DNM3: variants seen among roughly 807,000 people sequenced by gnomAD.
The protein encoded by DNM3 is dynamin-3.
A neutral mutation model predicts 101.6 loss-of-function variants in DNM3; 47 were observed. The ratio of observed to expected loss-of-function variants is 0.46; its 90% CI spans 0.37 to 0.59. The LOEUF (loss-of-function observed/expected upper bound fraction) is 0.59, where lower values mean the gene tolerates loss of function less well. DNM3 is among the 20% of genes least tolerant of loss of function. The pLI, the probability that DNM3 is intolerant of heterozygous loss-of-function variation, is 0.00. For missense variants in DNM3, 849 were observed against 1,085.7 expected, an observed-to-expected ratio of 0.78 and a Z score of 3.06; for synonymous variants, 385 against 387.9, an observed-to-expected ratio of 0.99 and a Z score of 0.09.
intron 16 of DNM3, among the ~76,000 whole-genome samples, chr1:172,311,709 T>C (rs562914841): frequency 1.2e-4 from 19 of 152,360 alleles, no homozygotes; most frequent in African/African-American, 3.6e-4. Flanking sequence ...TCCATAGCTC[T>C]ACATCAAAAA....
intron 4 of DNM3, among the ~76,000 whole-genome samples, chr1:171,990,114 T>C (rs1350194223): frequency 6.6e-6 from 1 of 152,200 alleles, no homozygotes; most frequent in Non-Finnish European, 1.5e-5. Context: ...ATGTTCTTGT[T>C]TTCATAAATA....
At chr1:171,932,185 A>C (rs2041076959) in intron 2 of DNM3, among the ~76,000 whole-genome samples, 1 of 149,192 alleles carries the variant, frequency 6.7e-6, no homozygotes, top group African/African-American at 2.5e-5. Flanking sequence ...TCTGTTACCC[A>C]GGCTGGAGTG....
intron 15 of DNM3, among the ~76,000 whole-genome samples, chr1:172,286,226 G>T (rs1249258667): frequency 6.6e-6 from 1 of 152,102 alleles, no homozygotes; most frequent in Non-Finnish European, 1.5e-5. Flanking sequence ...CATGGCATGG[G>T]TGGACCAATG....
At chr1:172,217,662 AC>A (rs753581004) in intron 14 of DNM3, among the ~76,000 whole-genome samples, 29 of 152,054 alleles carry the variant, frequency 1.9e-4, no homozygotes, top group Non-Finnish European at 3.8e-4. Flanking sequence ...CTTACAATCT[AC>A]TATATACCAG....
intron 20 of DNM3, among the ~76,000 whole-genome samples, chr1:172,404,941 T>C (rs921359744): frequency 3.9e-5 from 6 of 152,124 alleles, no homozygotes; most frequent in African/African-American, 1.2e-4. Flanking sequence ...CTATGCAATA[T>C]ATAACTGGAA....
At chr1:171,982,777 A>G (rs1208591315) in intron 2 of DNM3, among the ~76,000 whole-genome samples, 1 of 152,156 alleles carries the variant, frequency 6.6e-6, no homozygotes, top group Non-Finnish European at 1.5e-5. Context: ...TAAATGGTTA[A>G]CAAGTAAACC....
chr1:171,901,121 AAAAAAAAAAAG>A lies in DNM3; in HGVS notation c.162-20623_162-20613del, dbSNP rs1466102620. On this transcript the variant is annotated intron_variant, in intron 1 of 20. Transcript: ENST00000627582. ...GAGCGAGACTCTGTCTCAAAAAAAA[AAAAAAAAAAAG>A]AAAGAAATCTATGAAGTTCAGCACC... is the stretch of plus-strand genomic sequence containing the variant. Among the ~76,000 whole-genome samples the A allele has an allele frequency of 1.3e-4, 19 of 149,086 alleles. 2 individuals carry two copies. The highest frequency in any genetic ancestry group is 2.1e-4 in the South Asian group (1 of 4,688).
At chr1:172,121,909 C>T (rs1007325734) in intron 13 of DNM3, among the ~76,000 whole-genome samples, 1 of 152,118 alleles carries the variant, frequency 6.6e-6, no homozygotes, top group African/African-American at 2.4e-5. Flanking sequence ...CAGTCAGTTC[C>T]TTATTTAAAA....
Position 172,283,780 on chromosome 1 carries a change from A to AAAAAAAAAAAAAAAAAAG in DNM3, c.1770-24945_1770-24944insAAAAAAAAAAAAAAGAAA, listed in dbSNP as rs1553221113. Among the ~76,000 whole-genome samples the AAAAAAAAAAAAAAAAAAG allele has an allele frequency of 2.0e-4, 24 of 119,082 alleles. 1 individual carries two copies. Among genetic ancestry groups the AAAAAAAAAAAAAAAAAAG allele is most frequent in the African/African-American group, 8.1e-4 (24 of 29,628 alleles). The allele number at this position is 119,082 out of a possible 152,430, so 78.1% of individuals were successfully genotyped here. On this transcript the variant is annotated intron_variant, in intron 15 of 20. Coordinates refer to ENST00000627582, the MANE Select transcript of DNM3 (RefSeq NM_015569.5). ...ATCTCAAAAAAAAAAAAAAAAAAAA[A>AAAAAAAAAAAAAAAAAAG]AAAGAAAGAAAGAAAGAAAACCAAG... is the stretch of plus-strand genomic sequence containing the variant.
At chr1:171,993,498 C>T (rs79717026) in intron 4 of DNM3, among the ~76,000 whole-genome samples, 174 of 128,574 alleles carry the variant, frequency 1.4e-3, no homozygotes, top group Middle Eastern at 4.3e-3. Flanking sequence ...TTTCAAGATT[C>T]TTTTTTTTTT....
At chr1:172,007,447 G>T (rs570139510) in intron 4 of DNM3, among the ~76,000 whole-genome samples, 1 of 152,104 alleles carries the variant, frequency 6.6e-6, no homozygotes, top group East Asian at 1.9e-4. Context: ...TTTGTGAAAT[G>T]TCTGTTCAAA....
chr1:171,959,596 G>T (rs2043080189), intron 2 of DNM3, among the ~76,000 whole-genome samples: 1 of 152,038 alleles, frequency 6.6e-6, no homozygotes, highest in South Asian at 2.1e-4. Flanking sequence ...TGCCCCGGAA[G>T]AATTAAAAAC....
intron 15 of DNM3, among the ~76,000 whole-genome samples, chr1:172,271,081 CT>C (rs1340369795): frequency 6.6e-6 from 1 of 152,064 alleles, no homozygotes; most frequent in Admixed American, 6.6e-5. Context: ...AGGAGGACTC[CT>C]TTTCACTCTT....
intron 10 of DNM3, among the ~76,000 whole-genome samples, chr1:172,058,597 T>TG (rs2125901418): frequency 6.6e-6 from 1 of 152,288 alleles, no homozygotes; most frequent in Admixed American, 6.5e-5. Context: ...GAATGACTAC[T>TG]GGGTACATAA....
chr1:172,111,235 C>CA (rs1426392889), intron 13 of DNM3, among the ~76,000 whole-genome samples: 1 of 152,144 alleles, frequency 6.6e-6, no homozygotes, highest in African/African-American at 2.4e-5. Flanking sequence ...CTTGACCTCC[C>CA]AGACATTGTG....
intron 1 of DNM3, among the ~76,000 whole-genome samples, chr1:171,872,241 T>C (rs1223525567): frequency 2.0e-5 from 3 of 152,214 alleles, no homozygotes; most frequent in African/African-American, 7.2e-5. Flanking sequence ...GACTCTCAAA[T>C]CCTATTCATT....
At chr1:172,042,264 C>T in intron 8 of DNM3, 120 bp downstream of exon 8, 1 of 911,034 alleles carries the variant, frequency 1.1e-6, no homozygotes, top group Non-Finnish European at 1.5e-6. Context: ...AACAAAACCT[C>T]CATATTCAGG....
At chr1:172,209,587 A>C (rs1319955391) in intron 14 of DNM3, among the ~76,000 whole-genome samples, 2 of 152,012 alleles carry the variant, frequency 1.3e-5, no homozygotes, top group Non-Finnish European at 2.9e-5. Flanking sequence ...TTAAGCAAGG[A>C]GAAGACTCTT....
At chr1:172,183,099 G>T (rs528302202) in intron 14 of DNM3, among the ~76,000 whole-genome samples, 15 of 152,196 alleles carry the variant, frequency 9.9e-5, no homozygotes, top group African/African-American at 3.4e-4. Flanking sequence ...CAAAAGTTTA[G>T]TGGGAAGTGA....
Sources: allele counts gnomAD v4.1 joint callset (sites outside exome capture counted in the v4.1 genomes callset), GRCh38; gene constraint gnomAD v4.1.1; transcripts MANE v1.5; gene names NCBI Gene and HGNC (gene_info 2026-07-23, HGNC 2026-07-21).